Variants in CALB2 observed in about 807,000 individuals in gnomAD.
CALB2 encodes the protein calbindin 2, also known as calretinin.
A neutral mutation model predicts 45.9 loss-of-function variants in CALB2; 34 were observed. The observed-to-expected ratio is 0.74, with a 90% confidence interval of 0.56 to 0.99. The LOEUF is 0.99. Ranked by LOEUF, CALB2 falls within the 50% of genes least tolerant of loss-of-function variation. The pLI is 0.00. For missense variants in CALB2, 344 were observed against 339.3 expected, an observed-to-expected ratio of 1.01 and a Z score of -0.11; for synonymous variants, 142 against 129.6, an observed-to-expected ratio of 1.10 and a Z score of -0.65.
At chr16:71,375,490 G>A (rs2042399790) in intron 3 of CALB2, among the ~76,000 whole-genome samples, 1 of 152,080 alleles carries the variant, frequency 6.6e-6, no homozygotes, top group Admixed American at 6.5e-5. Flanking sequence ...GGATCCTTGA[G>A]GTCAGGAGTT....
intron 10 of CALB2, among the ~76,000 whole-genome samples, chr16:71,386,011 CCT>C (rs973204361): frequency 7.2e-5 from 11 of 152,166 alleles, no homozygotes; most frequent in East Asian, 3.8e-4. Flanking sequence ...TCTCCATTCC[CCT>C]GTCCCCCATC....
chr16:71,383,298 C>T (rs186113324), intron 5 of CALB2, 69 bp from the exon 6 acceptor site: 9 of 1,360,474 alleles, frequency 6.6e-6, no homozygotes, highest in African/African-American at 1.4e-5. Flanking sequence ...TCTGAATGAG[C>T]AAGTAAGGAA....
At chr16:71,377,250 T>G (rs2042427146) in intron 3 of CALB2, among the ~76,000 whole-genome samples, 1 of 152,208 alleles carries the variant, frequency 6.6e-6, no homozygotes, top group Non-Finnish European at 1.5e-5. Context: ...GCCACCCCAA[T>G]GGAAATATAG....
intron 6 of CALB2, 28 bp from the exon 7 acceptor site, chr16:71,383,937 CAAATA>C: frequency 1.9e-6 from 3 of 1,612,716 alleles, no homozygotes; most frequent in Non-Finnish European, 2.5e-6. Context: ...AAATTCACAG[CAAATA>C]ACCCAGGCAC....
chr16:71,384,039 C>T lies in CALB2; in HGVS notation c.533+14C>T, dbSNP rs749743882. Reference sequence around the variant, plus strand: ...AGAGATGTCCCGGTAAGCACCTCACCCCCGGGGTCACTGATACTGGCTCCC... The same window carrying T: ...AGAGATGTCCCGGTAAGCACCTCACTCCCGGGGTCACTGATACTGGCTCCC... On this transcript the variant is annotated intron_variant, in intron 7 of 10. Transcript: ENST00000302628. 1.2e-6 allele frequency: 2 copies of T among 1,613,012 alleles called. No individual in the cohort carries two copies. The highest frequency in any genetic ancestry group is 3.3e-5 in the Admixed American group (2 of 59,980).
intron 4 of CALB2, among the ~76,000 whole-genome samples, chr16:71,382,057 AGAGGGG>A (rs750415458): frequency 2.3e-3 from 211 of 90,358 alleles, no homozygotes; most frequent in Middle Eastern, 5.6e-3. Flanking sequence ...GAGGAGGAGG[AGAGGGG>A]GAGGGGGAGG....
intron 1 of CALB2, 100 bp downstream of exon 1, chr16:71,358,986 C>T: frequency 9.6e-7 from 1 of 1,038,204 alleles, no homozygotes; most frequent in Non-Finnish European, 1.4e-6. Flanking sequence ...TACGTTTGCC[C>T]TCAGGAGGTG....
intron 4 of CALB2, among the ~76,000 whole-genome samples, chr16:71,382,100 G>A (rs2042501666): frequency 8.1e-6 from 1 of 123,884 alleles, no homozygotes; most frequent in African/African-American, 3.3e-5. Context: ...GAGAAAGGAA[G>A]GAAGGAAGGG....
At chr16:71,364,151 G>T (rs1440273297) in intron 1 of CALB2, among the ~76,000 whole-genome samples, 1 of 152,196 alleles carries the variant, frequency 6.6e-6, no homozygotes, top group Non-Finnish European at 1.5e-5. Flanking sequence ...GCCTGCTATG[G>T]CTCTGCTTCT....
At position 71,389,930 on chromosome 16, in the gene CALB2, C is replaced by A. The variant is rs1055305386; in HGVS notation, c.*65C>A. The A allele has an allele frequency of 6.1e-6, 7 of 1,152,896 alleles. No homozygotes were observed. The African/African-American group carries it at 1.1e-4, about 17-fold the overall frequency. 71.4% of individuals were successfully genotyped at this position (1,152,896 alleles called of 1,614,324 possible). A position where few individuals can be genotyped will look rare whatever the true frequency, so the allele number is the denominator to read the frequency against. ...TGCTTCTGCTGCCCTGATGCGTCTA[C>A]CCAGACTCAGAGACCGTGAGCGCCC... On this transcript the variant is annotated 3_prime_UTR_variant, in exon 11 of 11. Coordinates refer to ENST00000302628, the MANE Select transcript of CALB2 (RefSeq NM_001740.5).
intron 1 of CALB2, among the ~76,000 whole-genome samples, chr16:71,360,744 G>T (rs980661334): frequency 1.3e-5 from 2 of 152,174 alleles, no homozygotes; most frequent in African/African-American, 4.8e-5. Context: ...AAGCACAATT[G>T]CACCTTCTCA....
At chr16:71,365,575 C>A (rs1247777481) in intron 1 of CALB2, among the ~76,000 whole-genome samples, 1 of 152,134 alleles carries the variant, frequency 6.6e-6, no homozygotes, top group African/African-American at 2.4e-5. Flanking sequence ...ACAGTGTGAT[C>A]CATAGATTGT....
chr16:71,365,364 A>T (rs2042273202), intron 1 of CALB2, among the ~76,000 whole-genome samples: 1 of 152,158 alleles, frequency 6.6e-6, no homozygotes, highest in Admixed American at 6.5e-5. Flanking sequence ...AAGCGACTGG[A>T]CGCAACATCT....
At chr16:71,359,375 C>A (rs2042215301) in intron 1 of CALB2, among the ~76,000 whole-genome samples, 1 of 152,200 alleles carries the variant, frequency 6.6e-6, no homozygotes, top group Non-Finnish European at 1.5e-5. Context: ...TGGCTGGGAG[C>A]AGGAGTGGAA....
In CALB2 at chr16:71,359,488, G is replaced by A. The variant is rs191309132; in HGVS notation, c.94+602G>A. 2.5e-3 allele frequency among the ~76,000 whole-genome samples: 385 copies of A among 152,278 alleles called. 1 individual carries two copies. The highest frequency in any genetic ancestry group is 8.0e-3 in the African/African-American group (332 of 41,546). On this transcript the variant is annotated intron_variant, in intron 1 of 10. Coordinates refer to ENST00000302628, the MANE Select transcript of CALB2 (RefSeq NM_001740.5). ...ATACAGCAGCAGTGGGTGTGGTGGC[G>A]GGCAGCGTTGGGGTGCCAGTCCCAG...
Position 71,358,900 on chromosome 16 carries a change from C to A in CALB2, c.94+14C>A. 6.2e-7 allele frequency: 1 copy of A among 1,610,224 alleles called. No individual in the cohort carries two copies. On this transcript the variant is annotated intron_variant, in intron 1 of 10. Transcript: ENST00000302628. ...TTGACGCAGACGGTCAGTAAAGCTCCCAACTTCTGTGCCCATTGGCACCCA... is the reference window on the plus strand; with the variant it reads ...TTGACGCAGACGGTCAGTAAAGCTCACAACTTCTGTGCCCATTGGCACCCA...
intron 1 of CALB2, among the ~76,000 whole-genome samples, chr16:71,360,888 C>T (rs184922713): frequency 1.3e-5 from 2 of 152,290 alleles, no homozygotes; most frequent in East Asian, 3.9e-4. Flanking sequence ...TTCTCCCACT[C>T]TGGTTCCTGA....
intron 2 of CALB2, among the ~76,000 whole-genome samples, chr16:71,373,144 GAGT>G (rs2042371955): frequency 6.6e-6 from 1 of 152,176 alleles, no homozygotes; most frequent in African/African-American, 2.4e-5. Flanking sequence ...TCTGGTTCTG[GAGT>G]ACATGGAGTC....
intron 1 of CALB2, among the ~76,000 whole-genome samples, chr16:71,360,761 G>GA (rs1250709255): frequency 6.6e-6 from 1 of 152,202 alleles, no homozygotes; most frequent in Non-Finnish European, 1.5e-5. Context: ...CTCAAGGTGT[G>GA]AGGCTGCTGG....
Sources: gnomAD v4.1 joint callset for allele counts (sites outside exome capture counted in the v4.1 genomes callset) on GRCh38, gnomAD v4.1.1 for gene constraint, MANE v1.5 for transcripts, NCBI Gene and HGNC (gene_info 2026-07-23, HGNC 2026-07-21) for gene names.